PCDHGA5: variants seen among roughly 807,000 people sequenced by gnomAD.
PCDHGA5 encodes the protein protocadherin gamma subfamily A, 5.
In PCDHGA5, 36 loss-of-function variants were observed where a neutral mutation model predicts 56.7. The ratio of observed to expected loss-of-function variants is 0.64; its 90% CI spans 0.49 to 0.84. PCDHGA5 has a LOEUF of 0.84. Ranked by LOEUF, PCDHGA5 falls within the 40% of genes least tolerant of loss-of-function variation. PCDHGA5 has a pLI of 0.00. For missense variants in PCDHGA5, 1,305 were observed against 1,201.5 expected (o/e 1.09, Z -1.27); for synonymous variants, 563 against 520.2 (o/e 1.08, Z -1.12).
intron 1 of PCDHGA5, among the ~76,000 whole-genome samples, chr5:141,469,096 G>A (rs1191827174): frequency 6.6e-6 from 1 of 151,944 alleles, no homozygotes; most frequent in Non-Finnish European, 1.5e-5. Flanking sequence ...AGGCAACAAA[G>A]CAAGAACCTG....
chr5:141,399,332 C>T (rs2093787388), intron 1 of PCDHGA5: 1 of 1,613,994 alleles, frequency 6.2e-7, no homozygotes, highest in Non-Finnish European at 8.5e-7. Flanking sequence ...AAGTTGGTAA[C>T]AGATGGAACC....
At chr5:141,388,824 T>G (rs760173455) in intron 1 of PCDHGA5, 1 of 1,613,960 alleles carries the variant, frequency 6.2e-7, no homozygotes, top group East Asian at 2.2e-5. Flanking sequence ...CAAAGAATAT[T>G]CCATAGTTTT....
chr5:141,417,923 C>T, intron 1 of PCDHGA5: 1 of 1,608,652 alleles, frequency 6.2e-7, no homozygotes, highest in Non-Finnish European at 8.5e-7. Context: ...TCCTTTGCTG[C>T]TGCCTTTGTT....
intron 1 of PCDHGA5, chr5:141,367,674 T>C (rs1765283740): frequency 6.6e-6 from 1 of 152,182 alleles, no homozygotes. Context: ...TGTGGGCTTG[T>C]TGAGAGAAGA....
Position 141,389,842 on chromosome 5 carries a change from C to G in PCDHGA5, c.2421+23091C>G, listed in dbSNP as rs779733638. The G allele has an allele frequency of 3.7e-6, 6 of 1,613,900 alleles. No individual in the cohort carries two copies. In the Admixed American group the frequency reaches 8.3e-5, roughly 22 times the overall value. ...CGTGACGGTGGACAGCCACCACTCT[C>G]GGCCACTGCCACGTTGCACCTGGTC... On this transcript the variant is annotated intron_variant, in intron 1 of 3. Coordinates refer to ENST00000518069, the MANE Select transcript of PCDHGA5 (RefSeq NM_018918.3).
At chr5:141,388,657 G>A (rs769160604) in intron 1 of PCDHGA5, 2 of 1,613,760 alleles carry the variant, frequency 1.2e-6, no homozygotes, top group Admixed American at 1.7e-5. Context: ...GTGTACCCGG[G>A]GACCACGGTG....
rs765535731 is a variant in PCDHGA5, at chr5:141,427,976, G to T, written c.2421+61225G>T. On this transcript the variant is annotated intron_variant, in intron 1 of 3. Transcript: ENST00000518069. ...ATGTGCCGCGGGTGCTGTACCCCGC[G>T]CTGGGGCCCGATGGCTCCGCACTCT... 1.1e-5 allele frequency: 17 copies of T among 1,594,884 alleles called. No individual in the cohort carries two copies. The East Asian group carries it at 1.6e-4, about 15-fold the overall frequency.
Position 141,403,639 on chromosome 5 carries a change from T to C in PCDHGA5, c.2421+36888T>C, listed in dbSNP as rs377402370. On this transcript the variant is annotated intron_variant, in intron 1 of 3. Coordinates refer to ENST00000518069, the MANE Select transcript of PCDHGA5 (RefSeq NM_018918.3). ...GTCGCTCCAGCACAGTGCGCATCCA[T>C]GTGACAGTGTTGGATACAAATGATA... 1.4e-4 allele frequency: 219 copies of C among 1,613,892 alleles called. 1 individual carries two copies. The East Asian group carries it at 4.5e-3, about 33-fold the overall frequency.
chr5:141,489,085 G>A lies in PCDHGA5; in HGVS notation c.2422-5722G>A, dbSNP rs1347512723. The A allele has an allele frequency of 2.6e-5, 6 of 230,066 alleles. No homozygotes were observed. The South Asian group carries it at 4.3e-4, about 16-fold the overall frequency. 14.3% of individuals were successfully genotyped at this position (230,066 alleles called of 1,614,324 possible). A position where few individuals can be genotyped will look rare whatever the true frequency, so the allele number is the denominator to read the frequency against. Reference sequence around the variant, plus strand: ...TCCCCCCTGCCCACCCCCGCCACTCGGTGACTAAGAACTGCTGCAAGCAGG... The same window carrying A: ...TCCCCCCTGCCCACCCCCGCCACTCAGTGACTAAGAACTGCTGCAAGCAGG... On this transcript the variant is annotated intron_variant, in intron 1 of 3. Coordinates refer to ENST00000518069, the MANE Select transcript of PCDHGA5 (RefSeq NM_018918.3). The surrounding 1 kb of genome is among the most constrained non-coding windows in gnomAD (Gnocchi z 4.5).
In PCDHGA5 at chr5:141,415,213, G is replaced by A. The variant is rs750613524; in HGVS notation, c.2421+48462G>A. On this transcript the variant is annotated intron_variant, in intron 1 of 3. Coordinates refer to ENST00000518069, the MANE Select transcript of PCDHGA5 (RefSeq NM_018918.3). ...CATCCCCCAAGTCCTGGCGGACCTC[G>A]GCAGCTTCGAGTCTCCAGCTAACTC... 1.9e-6 allele frequency: 3 copies of A among 1,614,074 alleles called. No individual in the cohort carries two copies. In the East Asian group the frequency reaches 6.7e-5, roughly 36 times the overall value.
At chr5:141,383,892 A>C (rs775731680) in intron 1 of PCDHGA5, 120 of 1,613,900 alleles carry the variant, frequency 7.4e-5, no homozygotes, top group Non-Finnish European at 9.4e-5. Flanking sequence ...TGACAAAGGC[A>C]AAAGTACTGA....
At chr5:141,417,532 T>TA (rs1457524771) in intron 1 of PCDHGA5, 17 of 284,868 alleles carry the variant, frequency 6.0e-5, no homozygotes, top group Non-Finnish European at 8.4e-5. Context: ...ACTCGTAGTT[T>TA]AAAAAAAATT....
rs2099713635 is a variant in PCDHGA5, at chr5:141,491,418, T to C, written c.2422-3389T>C. The C allele has an allele frequency of 6.2e-7, 1 of 1,613,796 alleles. No individual in the cohort carries two copies. Among genetic ancestry groups the C allele is most frequent in the Non-Finnish European group, 8.5e-7 (1 of 1,179,944 alleles). On this transcript the variant is annotated intron_variant, in intron 1 of 3. Transcript: ENST00000518069. The surrounding 1 kb of genome is among the most constrained non-coding windows in gnomAD (Gnocchi z 6.9). The stretch of plus-strand genomic sequence containing the variant: ...AGGGAAACGCAGACGGGGACGGGGG[T>C]GGAGGGCAGTGCTGCAGGCGCCAGG...
rs778244253 is a variant in PCDHGA5 at position 141,376,253 on chromosome 5, C to G, written c.2421+9502C>G. 3 of 1,614,104 alleles carry G rather than the reference C, an allele frequency of 1.9e-6. No individual in the cohort carries two copies. The African/African-American group carries it at 4.0e-5, about 22-fold the overall frequency. ...ACTGCAGCGCTGGCACAAGTCACGC[C>G]TGCTGCAGGCTTCGGGAGGTGGCTT... On this transcript the variant is annotated intron_variant, in intron 1 of 3. Transcript: ENST00000518069.
intron 1 of PCDHGA5, chr5:141,374,044 T>C: frequency 6.8e-7 from 1 of 1,465,536 alleles, no homozygotes; most frequent in Non-Finnish European, 9.0e-7. Flanking sequence ...GATCTGTTCT[T>C]CCTCTTCTTA....
At chr5:141,393,525 A>G in intron 1 of PCDHGA5, 1 of 1,613,922 alleles carries the variant, frequency 6.2e-7, no homozygotes, top group Non-Finnish European at 8.5e-7. Context: ...TACAAATGAC[A>G]ATGCCCCGGT....
rs776543767 is a variant in PCDHGA5 at position 141,432,028 on chromosome 5, C to G, written c.2422-62779C>G. The G allele has an allele frequency of 6.2e-7, 1 of 1,614,168 alleles. No homozygotes were observed. The highest frequency in any genetic ancestry group is 2.2e-5 in the East Asian group (1 of 44,882). On this transcript the variant is annotated intron_variant, in intron 1 of 3. Transcript: ENST00000518069. This position sits in a 1 kb window ranked among gnomAD's most constrained non-coding sequence, Gnocchi z 6.0. ...TTCCTAGCTACAACATCACAGTGAC[C>G]GCCACTGACCGGGGAACCCCGCCCC...
chr5:141,413,090 C>T, intron 1 of PCDHGA5: 1 of 1,391,312 alleles, frequency 7.2e-7, no homozygotes, highest in South Asian at 1.4e-5. Flanking sequence ...ACAGAGACAC[C>T]CTGAAGCCAC....
chr5:141,422,188 C>T, intron 1 of PCDHGA5: 1 of 1,561,742 alleles, frequency 6.4e-7, no homozygotes. Context: ...GATGGAAATT[C>T]AAGGCCAAGA....
Sources: allele counts gnomAD v4.1 joint callset (sites outside exome capture counted in the v4.1 genomes callset), GRCh38; gene constraint gnomAD v4.1.1; non-coding constraint Gnocchi (gnomAD v3.1); transcripts MANE v1.5; gene names NCBI Gene and HGNC (gene_info 2026-07-23, HGNC 2026-07-21).